COLQ: variants seen among roughly 807,000 people sequenced by gnomAD.
COLQ encodes collagen like tail subunit of asymmetric acetylcholinesterase, also known as acetylcholinesterase collagenic tail peptide.
Under a neutral mutation model 69.0 loss-of-function variants are expected in COLQ, and 48 were observed. That is an observed-to-expected ratio of 0.70 (90% confidence interval 0.55 to 0.88). The LOEUF (loss-of-function observed/expected upper bound fraction) is 0.88, where lower values mean the gene tolerates loss of function less well. COLQ is among the 40% of genes least tolerant of loss of function. COLQ has a pLI of 0.00. For synonymous variants in COLQ, 217 were observed against 211.2 expected, an observed-to-expected ratio of 1.03 and a Z score of -0.24; for missense variants, 618 against 594.6, an observed-to-expected ratio of 1.04 and a Z score of -0.41.
At chr3:15,502,945 A>C (rs1249667419) in intron 1 of COLQ, among the ~76,000 whole-genome samples, 1 of 152,128 alleles carries the variant, frequency 6.6e-6, no homozygotes, top group East Asian at 1.9e-4. Flanking sequence ...GATTATCCTC[A>C]TTTTACAGAG....
intron 3 of COLQ, among the ~76,000 whole-genome samples, chr3:15,484,152 T>TCTTGA (rs2062536577): frequency 1.3e-5 from 2 of 151,952 alleles, no homozygotes; most frequent in African/African-American, 4.8e-5. Context: ...CACTGATGGG[T>TCTTGA]CTTGACTCTA....
intron 1 of COLQ, among the ~76,000 whole-genome samples, chr3:15,503,668 T>C (rs1047747930): frequency 6.6e-6 from 1 of 152,052 alleles, no homozygotes; most frequent in Non-Finnish European, 1.5e-5. Context: ...CCACAAGGTA[T>C]ATATTAGTAC....
intron 1 of COLQ, among the ~76,000 whole-genome samples, chr3:15,492,620 T>A (rs1466014093): frequency 6.6e-6 from 1 of 151,308 alleles, no homozygotes; most frequent in Non-Finnish European, 1.5e-5. Flanking sequence ...TGAGCCGAGA[T>A]CGCGCCACTG....
At chr3:15,482,892 G>C (rs1318626105) in intron 3 of COLQ, among the ~76,000 whole-genome samples, 4 of 152,208 alleles carry the variant, frequency 2.6e-5, no homozygotes. Flanking sequence ...TTCAGAGCCT[G>C]TTATTGGTCA....
At chr3:15,509,709 C>T (rs2062957966) in intron 1 of COLQ, among the ~76,000 whole-genome samples, 1 of 152,196 alleles carries the variant, frequency 6.6e-6, no homozygotes, top group Non-Finnish European at 1.5e-5. Flanking sequence ...TTGTATATTC[C>T]CCTTTTCCAG....
intron 1 of COLQ, among the ~76,000 whole-genome samples, chr3:15,492,121 C>T (rs9863779): frequency 0.027 from 4,125 of 151,772 alleles, 186 homozygotes; most frequent in African/African-American, 0.092. Flanking sequence ...AGTGGTCAGA[C>T]ATAACCATAT....
In COLQ at chr3:15,505,845, G is replaced by A. The variant is rs1475330975; in HGVS notation, c.106+15675C>T. ...GTGCTTCCAGCCACTACGTTTCCAT[G>A]CCTTCATTTTTCCATGGTGACAGTT... On this transcript the variant is annotated intron_variant, in intron 1 of 16. Transcript: ENST00000383788. 7.2e-5 allele frequency among the ~76,000 whole-genome samples: 11 copies of A among 152,312 alleles called. No individual in the cohort carries two copies. In the East Asian group the frequency reaches 1.7e-3, roughly 24 times the overall value.
intron 14 of COLQ, 123 bp downstream of exon 14, chr3:15,456,337 C>T: frequency 7.4e-7 from 1 of 1,350,880 alleles, no homozygotes; most frequent in East Asian, 2.4e-5. Context: ...ATGCTCAGCC[C>T]TCCCATGCAG....
chr3:15,482,594 C>T (rs1321350547), intron 3 of COLQ, among the ~76,000 whole-genome samples: 1 of 152,162 alleles, frequency 6.6e-6, no homozygotes, highest in East Asian at 1.9e-4. Context: ...TTTTGATGTG[C>T]TGCTGGATTT....
chr3:15,477,969 G>A (rs577914249), intron 5 of COLQ, among the ~76,000 whole-genome samples: 21 of 152,336 alleles, frequency 1.4e-4, no homozygotes, highest in Admixed American at 2.6e-4. Context: ...GTGGGTGCAG[G>A]TGCTAAGGGC....
intron 1 of COLQ, among the ~76,000 whole-genome samples, chr3:15,520,564 T>A (rs964402949): frequency 6.6e-6 from 1 of 152,204 alleles, no homozygotes; most frequent in Admixed American, 6.5e-5. Flanking sequence ...AGACTCATGT[T>A]GGAGGCATAA....
At chr3:15,498,320 G>C (rs756333122) in intron 1 of COLQ, among the ~76,000 whole-genome samples, 4 of 152,132 alleles carry the variant, frequency 2.6e-5, no homozygotes, top group Non-Finnish European at 5.9e-5. Context: ...TTCAACACTG[G>C]CTGAGCAGTT....
At chr3:15,481,836 C>T (rs181027101) in intron 3 of COLQ, among the ~76,000 whole-genome samples, 1 of 152,276 alleles carries the variant, frequency 6.6e-6, no homozygotes, top group East Asian at 1.9e-4. Context: ...TTGATTCTTC[C>T]TATCCATGAG....
intron 9 of COLQ, 70 bp downstream of exon 9, chr3:15,474,158 G>A (rs1300058159): frequency 3.1e-5 from 49 of 1,599,590 alleles, no homozygotes; most frequent in Non-Finnish European, 4.1e-5. Flanking sequence ...TCAGTCCACG[G>A]ATGGGGGTGG....
chr3:15,488,298 G>A lies in COLQ; in HGVS notation c.229C>T (p.Pro77Ser). The change falls in exon 3 of 17, where the codon CCA becomes TCA. Residue 77 changes from proline to serine, a missense_variant. Physicochemically the swap from Pro to Ser is moderately conservative, Grantham distance 74 (BLOSUM62 -1). Coordinates refer to ENST00000383788, the MANE Select transcript of COLQ (RefSeq NM_005677.4). The part of the protein sequence containing the change: ...FRGGRSPLLS[P>S]DMKNLMLELE... ...TCCAGCATGAGATTCTTCATGTCTG[G>A]GGAGAGAAGCTTCAGTACAAAGCAA... 1.2e-6 allele frequency: 2 copies of A among 1,613,404 alleles called. No individual in the cohort carries two copies. The highest frequency in any genetic ancestry group is 1.7e-6 in the Non-Finnish European group (2 of 1,179,938).
intron 15 of COLQ, 127 bp from the exon 16 acceptor site, chr3:15,454,058 A>G: frequency 1.4e-6 from 1 of 702,114 alleles, no homozygotes; most frequent in Non-Finnish European, 2.6e-6. Flanking sequence ...ACTGACCTCC[A>G]TTAAGCTTCA....
intron 6 of COLQ, among the ~76,000 whole-genome samples, chr3:15,476,186 A>G (rs1199702986): frequency 6.6e-6 from 1 of 152,238 alleles, no homozygotes; most frequent in Non-Finnish European, 1.5e-5. Flanking sequence ...ATCTCCATTC[A>G]GGTGCTAAAT....
intron 12 of COLQ, among the ~76,000 whole-genome samples, chr3:15,458,844 GA>G (rs1395891534): frequency 1.3e-5 from 2 of 150,812 alleles, no homozygotes; most frequent in African/African-American, 4.9e-5. Context: ...CTTATATATA[GA>G]ATTTTTTTTT....
chr3:15,502,982 A>G (rs2062853004), intron 1 of COLQ, among the ~76,000 whole-genome samples: 1 of 152,218 alleles, frequency 6.6e-6, no homozygotes, highest in Non-Finnish European at 1.5e-5. Context: ...GGAGAAGTTA[A>G]GTCACTTGAT....
Sources: allele counts gnomAD v4.1 joint callset (sites outside exome capture counted in the v4.1 genomes callset), GRCh38; gene constraint gnomAD v4.1.1; transcripts MANE v1.5; gene names NCBI Gene and HGNC (gene_info 2026-07-23, HGNC 2026-07-21).